The following TOMM34 variants were observed in gnomAD, a reference collection of about 807,000 sequenced individuals.
The protein encoded by TOMM34 is translocase of outer mitochondrial membrane 34, also known as mitochondrial import receptor subunit TOM34.
In TOMM34, 24 loss-of-function variants were observed where a neutral mutation model predicts 37.4. The ratio of observed to expected loss-of-function variants is 0.64; its 90% CI spans 0.46 to 0.90. The LOEUF is 0.90. Ranked by LOEUF, TOMM34 falls within the 40% of genes least tolerant of loss-of-function variation. The pLI is 0.00. For missense variants in TOMM34, 304 were observed against 375.6 expected (o/e 0.81, Z 1.58); for synonymous variants, 154 against 148.9 (o/e 1.03, Z -0.25).
chr20:44,952,648 A>T (rs2067036136), intron 3 of TOMM34: 1 of 717,426 alleles, frequency 1.4e-6, no homozygotes, highest in Admixed American at 2.0e-5. Flanking sequence ...TTTAGATTTC[A>T]GCTTAAAATG....
rs191461657 is a variant in TOMM34 at position 44,942,708 on chromosome 20, A to C, written c.*401T>G. The C allele has an allele frequency of 1.2e-4, 28 of 225,214 alleles. No individual in the cohort carries two copies. Among genetic ancestry groups the C allele is most frequent in the Admixed American group, 2.1e-4 (4 of 19,186 alleles). 14.0% of individuals were successfully genotyped at this position (225,214 alleles called of 1,614,324 possible). On this transcript the variant is annotated 3_prime_UTR_variant, in exon 7 of 7. Coordinates refer to ENST00000372813, the MANE Select transcript of TOMM34 (RefSeq NM_006809.5). The stretch of plus-strand genomic sequence containing the variant: ...TCCTTCCACCCCGGCCCAGGAGCTC[A>C]GGTTGTTCAGATGAACTGCAGTGAG...
chr20:44,948,991 T>G, intron 4 of TOMM34, 114 bp from the exon 5 acceptor site: 1 of 1,324,390 alleles, frequency 7.6e-7, no homozygotes, highest in African/African-American at 1.5e-5. Flanking sequence ...CTCCCAGAGA[T>G]TTCCTCCCCT....
chr20:44,951,792 G>A (rs776295187), intron 4 of TOMM34, 41 bp downstream of exon 4: 12 of 1,584,816 alleles, frequency 7.6e-6, no homozygotes, highest in Admixed American at 1.8e-5. Context: ...AAAATGGATA[G>A]TGGGAGATTG....
intron 5 of TOMM34, 115 bp from the exon 6 acceptor site, chr20:44,943,694 A>G: frequency 7.0e-7 from 1 of 1,437,800 alleles, no homozygotes; most frequent in Middle Eastern, 2.5e-4. Flanking sequence ...TGTGCTGGTT[A>G]CTTTATGTCT....
chr20:44,955,532 G>T (rs763187051), intron 2 of TOMM34: 2 of 495,164 alleles, frequency 4.0e-6, no homozygotes, highest in Non-Finnish European at 4.0e-6. Flanking sequence ...TTTTTTTACA[G>T]TTGTGGTCTA....
chr20:44,957,668 C>T (rs1195039143), intron 1 of TOMM34, among the ~76,000 whole-genome samples: 1 of 151,866 alleles, frequency 6.6e-6, no homozygotes, highest in Non-Finnish European at 1.5e-5. Context: ...TTAGAGACAG[C>T]GTCTCCCTCT....
chr20:44,949,807 C>T (rs367653271), intron 4 of TOMM34, among the ~76,000 whole-genome samples: 1 of 152,176 alleles, frequency 6.6e-6, no homozygotes, highest in African/African-American at 2.4e-5. Context: ...TTCTTCCCCA[C>T]CTTTTTAAAC....
intron 1 of TOMM34, chr20:44,959,101 CCTTT>C (rs1161931341): frequency 6.6e-6 from 1 of 152,144 alleles, no homozygotes; most frequent in Non-Finnish European, 1.5e-5. Flanking sequence ...TTGGACTCCT[CCTTT>C]CTAAGCATTT....
intron 1 of TOMM34, chr20:44,958,352 G>A (rs1449319353): frequency 4.2e-6 from 2 of 471,492 alleles, no homozygotes; most frequent in Non-Finnish European, 8.8e-6. Flanking sequence ...GAGACGGAAA[G>A]TACAAAGACT....
chr20:44,943,703 CT>C lies in TOMM34; in HGVS notation c.699-125del, dbSNP rs2066956061. 3.6e-6 allele frequency: 5 copies of C among 1,383,782 alleles called. No homozygotes were observed. In the South Asian group the frequency reaches 6.6e-5, roughly 18 times the overall value. The allele number at this position is 1,383,782 out of a possible 1,614,324, so 85.7% of individuals were successfully genotyped here. A position where few individuals can be genotyped will look rare whatever the true frequency, so the allele number is the denominator to read the frequency against. On this transcript the variant is annotated intron_variant, in intron 5 of 6. Coordinates refer to ENST00000372813, the MANE Select transcript of TOMM34 (RefSeq NM_006809.5). ...CTACTCTGTGCTGGTTACTTTATGT[CT>C]TCTTAAATCCTCACAACAATCCTAG... is the stretch of plus-strand genomic sequence containing the variant.
At chr20:44,959,618 AG>A (rs201425745) in intron 1 of TOMM34, among the ~76,000 whole-genome samples, 2 of 152,014 alleles carry the variant, frequency 1.3e-5, no homozygotes, top group African/African-American at 4.8e-5. Flanking sequence ...ATCGTCTTGG[AG>A]GGGGGGCCTT....
rs867272822 is a variant in TOMM34 at position 44,946,764 on chromosome 20, T to C, written c.698+1966A>G. The stretch of plus-strand genomic sequence containing the variant: ...ATGTCCAAGACGTTCCAGGACATGA[T>C]AAAATGTTAGCCACAATGGCTGAAA... On this transcript the variant is annotated intron_variant, in intron 5 of 6. Coordinates refer to ENST00000372813, the MANE Select transcript of TOMM34 (RefSeq NM_006809.5). Among the ~76,000 whole-genome samples the C allele has an allele frequency of 3.3e-5, 5 of 152,198 alleles. No homozygotes were observed. In the South Asian group the frequency reaches 1.0e-3, roughly 32 times the overall value.
At chr20:44,956,292 T>C in intron 2 of TOMM34, 94 bp downstream of exon 2, 2 of 1,216,390 alleles carry the variant, frequency 1.6e-6, no homozygotes, top group Non-Finnish European at 2.4e-6. Context: ...CAGATGTAAT[T>C]GATGGGATCC....
At chr20:44,956,618 G>T in intron 1 of TOMM34, 133 bp from the exon 2 acceptor site, 1 of 767,624 alleles carries the variant, frequency 1.3e-6, no homozygotes, top group Non-Finnish European at 2.1e-6. Context: ...GTTCAGGCTT[G>T]TTGGTCTGCT....
chr20:44,956,286 T>C (rs951233259), intron 2 of TOMM34, 100 bp downstream of exon 2: 8 of 1,138,614 alleles, frequency 7.0e-6, no homozygotes, highest in Non-Finnish European at 1.0e-5. Context: ...CTGTCCCAGA[T>C]GTAATTGATG....
At chr20:44,956,509 T>C in intron 1 of TOMM34, 24 bp from the exon 2 acceptor site, 1 of 1,613,046 alleles carries the variant, frequency 6.2e-7, no homozygotes, top group Admixed American at 1.7e-5. Context: ...GTGGGGAAGA[T>C]GATCAGTTTG....
At chr20:44,959,190 A>G (rs1484567802) in intron 1 of TOMM34, among the ~76,000 whole-genome samples, 3 of 152,180 alleles carry the variant, frequency 2.0e-5, no homozygotes, top group African/African-American at 7.2e-5. Context: ...CACTCAAGAG[A>G]TGCTAGCCAA....
chr20:44,948,828 G>A lies in TOMM34; in HGVS notation c.600C>T (p.Gly200=). 6.2e-7 allele frequency: 1 copy of A among 1,613,948 alleles called. No homozygotes were observed. The highest frequency in any genetic ancestry group is 8.5e-7 in the Non-Finnish European group (1 of 1,179,974). ...VEKARVLKEE[G]NELVKKGNHK... is the part of the protein sequence containing the mutation. ...GGTTTCCCTTCTTTACAAGCTCATT[G>A]CCTTCTTCCTTCAGAACTCTGGCTT... Residue 200 remains glycine, a synonymous_variant, in exon 5 of 7, where the codon GGC becomes GGT. Coordinates refer to ENST00000372813, the MANE Select transcript of TOMM34 (RefSeq NM_006809.5).
Position 44,956,454 on chromosome 20 carries a change from G to A in TOMM34, c.159C>T (p.Leu53=), listed in dbSNP as rs768002889. ...GSSDPEEESV[L]YSNRAACHLK... The stretch of plus-strand genomic sequence containing the variant: ...AGTGACATGCTGCTCGGTTGGAGTA[G>A]AGAACACTTTCTTCTTCTGGGTCTG... Residue 53 remains leucine, a synonymous_variant, in exon 2 of 7, where the codon CTC becomes CTT. Transcript: ENST00000372813. 4.3e-6 allele frequency: 7 copies of A among 1,614,078 alleles called. No individual in the cohort carries two copies. The highest frequency in any genetic ancestry group is 3.3e-4 in the Middle Eastern group (2 of 6,082).
Sources: allele counts gnomAD v4.1 joint callset (sites outside exome capture counted in the v4.1 genomes callset), GRCh38; gene constraint gnomAD v4.1.1; transcripts MANE v1.5; gene names NCBI Gene and HGNC (gene_info 2026-07-23, HGNC 2026-07-21).